Variants in PCDH19 observed in about 807,000 individuals in gnomAD.
The protein encoded by PCDH19 is protocadherin 19.
A neutral mutation model predicts 46.2 loss-of-function variants in PCDH19; 6 were observed. That is an observed-to-expected ratio of 0.13 (90% CI 0.07 to 0.26). The LOEUF (loss-of-function observed/expected upper bound fraction) is 0.26, where lower values mean the gene tolerates loss of function less well. Among genes scored for constraint, PCDH19 ranks in the 10% least tolerant of loss-of-function variants. The pLI is 1.00. For missense variants in PCDH19, 740 were observed against 972.3 expected, an observed-to-expected ratio of 0.76 and a Z score of 3.18; for synonymous variants, 481 against 415.7, an observed-to-expected ratio of 1.16 and a Z score of -1.91.
intron 3 of PCDH19, among the ~76,000 whole-genome samples, chrX:100,351,354 A>G (rs2147493205): frequency 8.8e-6 from 1 of 113,038 alleles, no homozygotes; most frequent in South Asian, 3.6e-4. Context: ...AGCTCCTATC[A>G]TTAGAGCACC....
At chrX:100,332,347 C>A (rs1354076935) in intron 5 of PCDH19, among the ~76,000 whole-genome samples, 1 of 110,739 alleles carries the variant, frequency 9.0e-6, no homozygotes, top group Non-Finnish European at 1.9e-5. Context: ...CGTGGTGAAA[C>A]CCCGTCTCTA....
In PCDH19 at chrX:100,335,008, ACTGT is replaced by A. The variant is rs1926044209; in HGVS notation, c.2848+6891_2848+6894del. Among the ~76,000 whole-genome samples the A allele has an allele frequency of 3.6e-5, 4 of 111,244 alleles. No individual in the cohort carries two copies. In the Admixed American group the frequency reaches 3.8e-4, roughly 11 times the overall value. On this transcript the variant is annotated intron_variant, in intron 5 of 5. Coordinates refer to ENST00000373034, the MANE Select transcript of PCDH19 (RefSeq NM_001184880.2). ...TCCTGCATGAAGAAACCAATGGTGA[ACTGT>A]CCTAAAACAATTATTTGACCAAAGG...
chrX:100,315,107 A>G (rs1005405694), intron 5 of PCDH19, among the ~76,000 whole-genome samples: 1 of 112,393 alleles, frequency 8.9e-6, no homozygotes, highest in Non-Finnish European at 1.9e-5. Flanking sequence ...AAGAACCTTG[A>G]GAGTAAGCCT....
rs1014216950 is a variant in PCDH19, at chrX:100,334,552, G to A, written c.2848+7351C>T. Among the ~76,000 whole-genome samples the A allele has an allele frequency of 4.5e-5, 5 of 110,903 alleles. No individual in the cohort carries two copies. In the Admixed American group the frequency reaches 4.8e-4, roughly 11 times the overall value. On this transcript the variant is annotated intron_variant, in intron 5 of 5. Coordinates refer to ENST00000373034, the MANE Select transcript of PCDH19 (RefSeq NM_001184880.2). ...TGGGATATCCACATCATCAAAAATG[G>A]TTATGCAAAGAAGCAAGGAGGAGCC...
At chrX:100,405,873 C>G (rs1928331196) in intron 1 of PCDH19, among the ~76,000 whole-genome samples, 1 of 111,524 alleles carries the variant, frequency 9.0e-6, no homozygotes, top group Non-Finnish European at 1.9e-5. Context: ...AGATAAAAAA[C>G]AAGCCAAGAA....
intron 5 of PCDH19, among the ~76,000 whole-genome samples, chrX:100,322,863 A>AT: frequency 2.5e-5 from 1 of 40,114 alleles, no homozygotes; most frequent in African/African-American, 8.9e-5. Flanking sequence ...ATATATATAT[A>AT]TATTTTTGCA....
At chrX:100,377,940 C>T (rs188131695) in intron 3 of PCDH19, among the ~76,000 whole-genome samples, 38 of 112,258 alleles carry the variant, frequency 3.4e-4, no homozygotes, top group South Asian at 1.1e-3. Context: ...AGGGAATAAG[C>T]GTTGGTGATT....
chrX:100,329,177 G>T (rs1414782227), intron 5 of PCDH19, among the ~76,000 whole-genome samples: 1 of 112,571 alleles, frequency 8.9e-6, no homozygotes. Flanking sequence ...GGTTTTCTTT[G>T]ACTTCAACTT....
At chrX:100,340,818 CA>C (rs1926232465) in intron 5 of PCDH19, among the ~76,000 whole-genome samples, 1 of 111,929 alleles carries the variant, frequency 8.9e-6, no homozygotes, top group Admixed American at 9.5e-5. Flanking sequence ...AAAACCAAAA[CA>C]AAAGCATTTA....
chrX:100,337,618 T>C (rs1187232238), intron 5 of PCDH19, among the ~76,000 whole-genome samples: 1 of 112,101 alleles, frequency 8.9e-6, no homozygotes, highest in Non-Finnish European at 1.9e-5. Context: ...AATACCAAGA[T>C]TGACAGTAAT....
At position 100,409,381 on chromosome X, in the gene PCDH19, T is replaced by C. The variant is rs976012969; in HGVS notation, c.-784A>G. The stretch of plus-strand genomic sequence containing the variant: ...CGCGCTCCCTCGCGCTAAGGCTGGC[T>C]TCGAAGGGCTTGGGGGCGCGTCTGT... On this transcript the variant is annotated 5_prime_UTR_variant, in exon 1 of 6. Coordinates refer to ENST00000373034, the MANE Select transcript of PCDH19 (RefSeq NM_001184880.2). The C allele has an allele frequency of 1.8e-5, 2 of 111,842 alleles. No homozygotes were observed. The highest frequency in any genetic ancestry group is 6.5e-5 in the African/African-American group (2 of 30,741). 9.2% of individuals were successfully genotyped at this position (111,842 alleles called of 1,213,427 possible).
chrX:100,332,566 G>A (rs1363707398), intron 5 of PCDH19, among the ~76,000 whole-genome samples: 15 of 110,235 alleles, frequency 1.4e-4, no homozygotes, highest in Non-Finnish European at 1.9e-5. Flanking sequence ...GCTATGAATG[G>A]ACTTAATTCC....
At chrX:100,363,774 C>T (rs1926983779) in intron 3 of PCDH19, among the ~76,000 whole-genome samples, 1 of 97,594 alleles carries the variant, frequency 1.0e-5, no homozygotes, top group African/African-American at 3.8e-5. Context: ...ATATTATATA[C>T]CCAACTTCTC....
rs1057033568 is a variant in PCDH19 at position 100,378,504 on chromosome X, C to A, written c.2616+24020G>T. Among the ~76,000 whole-genome samples the A allele has an allele frequency of 3.6e-5, 4 of 112,341 alleles. No homozygotes were observed. In the East Asian group the frequency reaches 1.1e-3, roughly 31 times the overall value. ...AGTATTATTTATGAGGAGCTATAAC[C>A]GTGTCTGATGCTTTCCAATAGGCAG... On this transcript the variant is annotated intron_variant, in intron 3 of 5. Transcript: ENST00000373034.
chrX:100,310,492 C>T (rs1249702925), intron 5 of PCDH19, among the ~76,000 whole-genome samples: 1 of 110,945 alleles, frequency 9.0e-6, no homozygotes, highest in Admixed American at 9.7e-5. Flanking sequence ...AGAAAATAAT[C>T]TGACAAAGTG....
chrX:100,381,272 T>C (rs1239844396), intron 3 of PCDH19, among the ~76,000 whole-genome samples: 1 of 112,042 alleles, frequency 8.9e-6, no homozygotes, highest in Non-Finnish European at 1.9e-5. Flanking sequence ...CTTACTTGAA[T>C]TTCACATACC....
Position 100,292,405 on chromosome X carries a change from T to C in PCDH19, c.*3872A>G, listed in dbSNP as rs981120470. The C allele has an allele frequency of 8.9e-6, 1 of 112,771 alleles. No individual in the cohort carries two copies. Among genetic ancestry groups the C allele is most frequent in the Non-Finnish European group, 1.9e-5 (1 of 53,344 alleles). The allele number at this position is 112,771 out of a possible 1,213,427, so 9.3% of individuals were successfully genotyped here. A position where few individuals can be genotyped will look rare whatever the true frequency, so the allele number is the denominator to read the frequency against. ...TCTTTACCAAGAGCGCCTTCCAATC[T>C]ATGTATCAGACAAGGTGGTAAATTT... On this transcript the variant is annotated 3_prime_UTR_variant, in exon 6 of 6. Transcript: ENST00000373034.
intron 3 of PCDH19, among the ~76,000 whole-genome samples, chrX:100,368,315 G>A (rs1927126101): frequency 9.0e-6 from 1 of 111,350 alleles, no homozygotes; most frequent in Non-Finnish European, 1.9e-5. Flanking sequence ...GTCAAGGATA[G>A]GAAAGGCAGA....
chrX:100,387,191 G>C (rs1048777253), intron 3 of PCDH19, among the ~76,000 whole-genome samples: 1 of 111,874 alleles, frequency 8.9e-6, no homozygotes, highest in African/African-American at 3.2e-5. Context: ...ATCAATTAAA[G>C]AGGTGTTCCA....
Sources: allele counts gnomAD v4.1 joint callset (sites outside exome capture counted in the v4.1 genomes callset), GRCh38; gene constraint gnomAD v4.1.1; transcripts MANE v1.5; gene names NCBI Gene and HGNC (gene_info 2026-07-23, HGNC 2026-07-21).